TMEM38B: variants seen among roughly 807,000 people sequenced by gnomAD.
TMEM38B encodes the protein trimeric intracellular cation channel type B.
A neutral mutation model predicts 28.7 loss-of-function variants in TMEM38B; 24 were observed. That is an observed-to-expected ratio of 0.84 (90% CI 0.61 to 1.18). The LOEUF is 1.18. Ranked by LOEUF, TMEM38B falls within the 50% of genes most tolerant of loss-of-function variation. The pLI is 0.00. For missense variants in TMEM38B, 380 were observed against 350.9 expected (o/e 1.08, Z -0.66); for synonymous variants, 131 against 127.7 (o/e 1.03, Z -0.17).
At chr9:105,773,763 T>C in intron 5 of TMEM38B, 102 bp from the exon 6 acceptor site, 1 of 1,098,374 alleles carries the variant, frequency 9.1e-7, no homozygotes, top group Non-Finnish European at 1.3e-6. Flanking sequence ...CCCCTGCAGA[T>C]TACATTAATA....
intron 4 of TMEM38B, among the ~76,000 whole-genome samples, chr9:105,744,895 T>G (rs1837333754): frequency 6.6e-6 from 1 of 152,222 alleles, no homozygotes; most frequent in Non-Finnish European, 1.5e-5. Context: ...GCTTCATCCA[T>G]GTCCCTACAA....
intron 5 of TMEM38B, chr9:105,760,567 A>G (rs2133638368): frequency 1.3e-6 from 1 of 744,780 alleles, no homozygotes; most frequent in Non-Finnish European, 2.4e-6. Context: ...AAATGTTATT[A>G]AAAACAAGAG....
chr9:105,744,288 ATG>A (rs1432385111), intron 4 of TMEM38B, among the ~76,000 whole-genome samples: 35 of 152,088 alleles, frequency 2.3e-4, no homozygotes, highest in Admixed American at 2.2e-3. Flanking sequence ...GGAGTAAAAA[ATG>A]AGACATGTTT....
intron 4 of TMEM38B, among the ~76,000 whole-genome samples, chr9:105,727,584 T>C (rs1277573288): frequency 6.6e-6 from 1 of 152,206 alleles, no homozygotes; most frequent in Non-Finnish European, 1.5e-5. Flanking sequence ...TGAGCCTTTC[T>C]TTTGATCATG....
At chr9:105,716,985 T>G (rs778993980) in intron 2 of TMEM38B, among the ~76,000 whole-genome samples, 1 of 152,206 alleles carries the variant, frequency 6.6e-6, no homozygotes, top group African/African-American at 2.4e-5. Flanking sequence ...TCAGAAGTTA[T>G]ATGTGGTGTT....
At chr9:105,695,678 C>T (rs1835262216) in intron 1 of TMEM38B, among the ~76,000 whole-genome samples, 1 of 152,194 alleles carries the variant, frequency 6.6e-6, no homozygotes, top group Non-Finnish European at 1.5e-5. Flanking sequence ...TTCTTGCTGT[C>T]TTTCATCTGC....
At chr9:105,772,063 G>A (rs1010268928) in intron 5 of TMEM38B, among the ~76,000 whole-genome samples, 27 of 152,288 alleles carry the variant, frequency 1.8e-4, no homozygotes, top group Admixed American at 1.4e-3. Flanking sequence ...TAACCCTTTT[G>A]GGGTCTTACT....
intron 2 of TMEM38B, among the ~76,000 whole-genome samples, chr9:105,716,508 G>C (rs1262550880): frequency 3.3e-5 from 5 of 152,244 alleles, no homozygotes; most frequent in African/African-American, 1.2e-4. Context: ...CTGCCAAGTA[G>C]TACAGTGTTG....
chr9:105,700,972 G>A (rs1408867384), intron 1 of TMEM38B: 1 of 151,936 alleles, frequency 6.6e-6, no homozygotes, highest in Non-Finnish European at 1.5e-5. Flanking sequence ...GGCCTGTGGA[G>A]GAAACACCTG....
chr9:105,699,902 GT>G (rs1203755022), intron 1 of TMEM38B, among the ~76,000 whole-genome samples: 1 of 152,052 alleles, frequency 6.6e-6, no homozygotes, highest in Non-Finnish European at 1.5e-5. Context: ...GGAATATGCT[GT>G]TTTGGTGGTT....
chr9:105,725,624 C>G (rs1467617499), intron 4 of TMEM38B, among the ~76,000 whole-genome samples: 5 of 152,048 alleles, frequency 3.3e-5, no homozygotes, highest in African/African-American at 9.7e-5. Flanking sequence ...AGGCTACAAA[C>G]CTTTACAGCA....
chr9:105,771,212 G>T, intron 5 of TMEM38B, among the ~76,000 whole-genome samples: 1 of 152,076 alleles, frequency 6.6e-6, no homozygotes, highest in East Asian at 1.9e-4. Flanking sequence ...TTAATAGTTT[G>T]CTAAATAAGG....
intron 1 of TMEM38B, among the ~76,000 whole-genome samples, chr9:105,703,300 C>T (rs1835520101): frequency 6.6e-6 from 1 of 152,202 alleles, no homozygotes; most frequent in Non-Finnish European, 1.5e-5. Context: ...GCGTGGCCAA[C>T]ATGGTGGAAC....
chr9:105,732,503 A>T (rs940418597), intron 4 of TMEM38B, among the ~76,000 whole-genome samples: 2 of 152,122 alleles, frequency 1.3e-5, no homozygotes, highest in Admixed American at 6.6e-5. Context: ...TAAGGAAGGG[A>T]TGCAGTTTCT....
intron 2 of TMEM38B, among the ~76,000 whole-genome samples, chr9:105,709,935 A>G (rs1218674288): frequency 1.3e-5 from 2 of 152,242 alleles, no homozygotes; most frequent in Non-Finnish European, 2.9e-5. Context: ...CTTCCTTGAT[A>G]TTCAGACATC....
rs116759407 is a variant in TMEM38B at position 105,706,841 on chromosome 9, T to C, written c.269+1088T>C. Reference sequence around the variant, plus strand: ...TTTTTTTTTTTCTTTTTAACCCTTATTACAGGCTCACTGCAACCTCCACCT... The same window carrying C: ...TTTTTTTTTTTCTTTTTAACCCTTACTACAGGCTCACTGCAACCTCCACCT... On this transcript the variant is annotated intron_variant, in intron 2 of 5. Transcript: ENST00000374692. Among the ~76,000 whole-genome samples the C allele has an allele frequency of 5.7e-3, 862 of 152,070 alleles. 8 individuals are homozygous for C. The highest frequency in any genetic ancestry group is 0.02 in the African/African-American group (830 of 41,498).
chr9:105,741,143 C>A (rs912786600), intron 4 of TMEM38B, among the ~76,000 whole-genome samples: 3 of 152,170 alleles, frequency 2.0e-5, no homozygotes, highest in Non-Finnish European at 2.9e-5. Context: ...CCAAGTTAGC[C>A]ACCAGAAGCT....
chr9:105,731,759 A>G (rs1308568320), intron 4 of TMEM38B, among the ~76,000 whole-genome samples: 1 of 152,188 alleles, frequency 6.6e-6, no homozygotes, highest in South Asian at 2.1e-4. Context: ...TAGTGCAGCA[A>G]TAAACATACG....
intron 5 of TMEM38B, chr9:105,760,532 A>C: frequency 1.3e-6 from 1 of 745,328 alleles, no homozygotes; most frequent in Non-Finnish European, 2.4e-6. Context: ...TCTACCTCTC[A>C]AGCTGCAGTT....
Sources: gnomAD v4.1 joint callset for allele counts (sites outside exome capture counted in the v4.1 genomes callset) on GRCh38, gnomAD v4.1.1 for gene constraint, MANE v1.5 for transcripts, NCBI Gene and HGNC (gene_info 2026-07-23, HGNC 2026-07-21) for gene names.